The following DNAJB1 variants were observed in gnomAD, a reference collection of about 807,000 sequenced individuals.
The protein encoded by DNAJB1 is dnaJ homolog subfamily B member 1.
DNAJB1 carries 14 observed loss-of-function variants against 24.0 expected under a neutral mutation model. That is an observed-to-expected ratio of 0.58 (90% CI 0.39 to 0.91). The LOEUF (loss-of-function observed/expected upper bound fraction) is 0.91, where lower values mean the gene tolerates loss of function less well. Ranked by LOEUF, DNAJB1 falls within the 40% of genes least tolerant of loss-of-function variation. DNAJB1 has a pLI of 0.00. For missense variants in DNAJB1, 517 were observed against 458.1 expected (o/e 1.13, Z -1.17); for synonymous variants, 262 against 174.4 (o/e 1.50, Z -3.96).
chr19:14,545,507 G>C (rs748017854), intron 1 of DNAJB1, among the ~76,000 whole-genome samples: 19 of 152,280 alleles, frequency 1.2e-4, no homozygotes, highest in Admixed American at 6.5e-5. Context: ...GCAAGCCTAG[G>C]GGGTGGGGGG....
chr19:14,556,651 T>C (rs1303742109), intron 1 of DNAJB1, among the ~76,000 whole-genome samples: 3 of 151,986 alleles, frequency 2.0e-5, no homozygotes, highest in African/African-American at 7.3e-5. Context: ...CAGGAATGAA[T>C]GAATGGATAA....
chr19:14,517,155 C>G, intron 1 of DNAJB1, 109 bp from the exon 2 acceptor site: 1 of 1,178,388 alleles, frequency 8.5e-7, no homozygotes, highest in Non-Finnish European at 1.2e-6. Flanking sequence ...ACTTTTTTGT[C>G]TGTCAGGGGA....
intron 1 of DNAJB1, among the ~76,000 whole-genome samples, chr19:14,528,633 T>C (rs951482407): frequency 5.9e-5 from 9 of 152,014 alleles, no homozygotes; most frequent in Admixed American, 3.9e-4. Flanking sequence ...CCCCTGTCCA[T>C]AGGGCGGAGC....
Position 14,559,857 on chromosome 19 carries a change from A to C in DNAJB1, c.-2166+174T>G, listed in dbSNP as rs58149193. On this transcript the variant is annotated intron_variant, in intron 1 of 5. Coordinates refer to the DNAJB1 transcript ENST00000679223. ...TATGGAGAGGTCTCCTGCTCCCCCC[A>C]GAGCCTTTCAGTCCTCTCTCTAGGA... Among the ~76,000 whole-genome samples, 387 of 152,102 alleles carry C rather than the reference A, an allele frequency of 2.5e-3. 4 individuals carry two copies. Among genetic ancestry groups the C allele is most frequent in the African/African-American group, 9.0e-3 (372 of 41,484 alleles).
upstream of DNAJB1, among the ~76,000 whole-genome samples, chr19:14,533,770 G>T (rs2072760301): frequency 6.6e-6 from 1 of 152,158 alleles, no homozygotes; most frequent in Non-Finnish European, 1.5e-5. Flanking sequence ...TCTCTAGAAC[G>T]GGTCACCTCC....
chr19:14,517,934 T>G (rs968971184), intron 1 of DNAJB1: 10 of 484,318 alleles, frequency 2.1e-5, no homozygotes, highest in African/African-American at 2.0e-4. Context: ...TGCTAGAAGC[T>G]TCTGGCCGAG....
At chr19:14,519,956 C>T (rs1315467457), upstream of DNAJB1, among the ~76,000 whole-genome samples, 1 of 152,156 alleles carries the variant, frequency 6.6e-6, no homozygotes, top group Non-Finnish European at 1.5e-5. Flanking sequence ...CCTGGAAGAA[C>T]TGCCTGGGAG....
At chr19:14,529,336 G>A, upstream of DNAJB1, 1 of 450,206 alleles carries the variant, frequency 2.2e-6, no homozygotes. Flanking sequence ...GACGCCATCA[G>A]GGGGCGTGGC....
upstream of DNAJB1, among the ~76,000 whole-genome samples, chr19:14,553,406 C>T (rs1399580703): frequency 6.6e-6 from 1 of 152,114 alleles, no homozygotes; most frequent in Non-Finnish European, 1.5e-5. Flanking sequence ...GCCCTTCCTC[C>T]CCACCCTGGG....
intron 1 of DNAJB1, among the ~76,000 whole-genome samples, chr19:14,545,461 G>C (rs140816857): frequency 2.1e-4 from 32 of 149,246 alleles, no homozygotes; most frequent in Non-Finnish European, 3.9e-4. Flanking sequence ...CCCGTATTAT[G>C]TAATAGGTGC....
intron 1 of DNAJB1, among the ~76,000 whole-genome samples, chr19:14,548,879 C>T (rs1395499939): frequency 2.0e-5 from 3 of 152,076 alleles, no homozygotes; most frequent in East Asian, 1.9e-4. Context: ...CCAACCATCT[C>T]AGACATCTCA....
chr19:14,558,420 G>C (rs2073803256), intron 1 of DNAJB1, among the ~76,000 whole-genome samples: 1 of 152,158 alleles, frequency 6.6e-6, no homozygotes, highest in Admixed American at 6.6e-5. Context: ...CCTCTTGCAG[G>C]GTGCGCTTCA....
chr19:14,518,567 C>A, upstream of DNAJB1: 1 of 370,250 alleles, frequency 2.7e-6, no homozygotes. Flanking sequence ...AACGGCCGCC[C>A]GCGCGGGGCC....
chr19:14,538,397 G>A (rs1325767877), intron 1 of DNAJB1, among the ~76,000 whole-genome samples: 1 of 152,094 alleles, frequency 6.6e-6, no homozygotes, highest in Non-Finnish European at 1.5e-5. Flanking sequence ...AGCATGCTTC[G>A]CGGCCCACAG....
chr19:14,518,487 C>A, upstream of DNAJB1: 1 of 636,888 alleles, frequency 1.6e-6, no homozygotes, highest in Non-Finnish European at 2.2e-6. Context: ...CCCCGCCCGC[C>A]CCCGCGGCGC....
intron 1 of DNAJB1, among the ~76,000 whole-genome samples, chr19:14,540,271 T>C (rs1445980726): frequency 1.3e-5 from 2 of 151,972 alleles, no homozygotes; most frequent in Non-Finnish European, 2.9e-5. Flanking sequence ...GGTTTCACTG[T>C]GTCAGCCAGG....
chr19:14,535,543 AATATATATATATATATATATATATAT>A (rs747348455), intron 1 of DNAJB1, among the ~76,000 whole-genome samples: 4,264 of 32,606 alleles, frequency 0.13, 275 homozygotes, highest in South Asian at 0.22. Context: ...AAAAAAAAAA[AATATATATATATATATATATATATAT>A]ATATATATAT....
At chr19:14,522,654 C>T (rs1004127642), upstream of DNAJB1, among the ~76,000 whole-genome samples, 2 of 143,276 alleles carry the variant, frequency 1.4e-5, no homozygotes, top group Non-Finnish European at 3.0e-5. Flanking sequence ...TGAAATAAAT[C>T]TCTGCACACA....
upstream of DNAJB1, among the ~76,000 whole-genome samples, chr19:14,532,891 CTT>C (rs2072726667): frequency 6.6e-6 from 1 of 150,784 alleles, no homozygotes; most frequent in Non-Finnish European, 1.5e-5. Flanking sequence ...GGGTGAATCA[CTT>C]GAAGTCAGGA....
Sources: gnomAD v4.1 joint callset for allele counts (sites outside exome capture counted in the v4.1 genomes callset) on GRCh38, gnomAD v4.1.1 for gene constraint, MANE v1.5 for transcripts, NCBI Gene and HGNC (gene_info 2026-07-23, HGNC 2026-07-21) for gene names.